The following ASH1L variants were observed in gnomAD, a reference collection of about 807,000 sequenced individuals.
The protein encoded by ASH1L is histone-lysine N-methyltransferase ASH1L.
A neutral mutation model predicts 269.0 loss-of-function variants in ASH1L; 23 were observed. The observed-to-expected ratio is 0.09, with a 90% CI of 0.06 to 0.12. The LOEUF is 0.12. Among genes scored for constraint, ASH1L ranks in the 10% least tolerant of loss-of-function variants. ASH1L has a pLI of 1.00. For synonymous variants in ASH1L, 1,187 were observed against 1,253.5 expected (o/e 0.95, Z 1.12); for missense variants, 2,912 against 3,567.8 (o/e 0.82, Z 4.68).
chr1:155,421,810 A>ATT (rs1491465500), intron 5 of ASH1L, among the ~76,000 whole-genome samples: 1 of 152,156 alleles, frequency 6.6e-6, no homozygotes, highest in African/African-American at 2.4e-5. Flanking sequence ...ATAGATACAC[A>ATT]TATGACTAAT....
At chr1:155,542,506 G>A (rs930423182) in intron 1 of ASH1L, among the ~76,000 whole-genome samples, 13 of 151,540 alleles carry the variant, frequency 8.6e-5, no homozygotes, top group African/African-American at 2.2e-4. Flanking sequence ...CCCAGGTTGC[G>A]CCACTGCACT....
At chr1:155,349,707 G>GTCT in intron 17 of ASH1L, 111 bp from the exon 18 acceptor site, 1 of 421,364 alleles carries the variant, frequency 2.4e-6, no homozygotes, top group Admixed American at 3.9e-5. Flanking sequence ...AAAAATCCAA[G>GTCT]TCTTTTTTTT....
rs908820138 is a variant in ASH1L, at chr1:155,338,104, T to G, written c.8788A>C (p.Ile2930Leu). Reference protein sequence around the residue: ...NQILLNLLEKIPGKNAIDVTY... With the variant: ...NQILLNLLEKLPGKNAIDVTY... ...TTCTTCTTACCATTTTTTCCAGGGA[T>G]TTTTTCAAGGAGATTGAGCAAGATC... Residue 2930 changes from isoleucine (I) to leucine (L), a missense_variant, in exon 27 of 28, where the codon ATC (isoleucine) becomes CTC (leucine). Transcript: ENST00000392403. 1 of 1,612,332 alleles carries G rather than the reference T, an allele frequency of 6.2e-7. No homozygotes were observed. Among genetic ancestry groups the G allele is most frequent in the East Asian group, 2.2e-5 (1 of 44,868 alleles).
rs949245188 is a variant in ASH1L, at chr1:155,509,366, TAAAC to T, written c.420+11730_420+11733del. On this transcript the variant is annotated intron_variant, in intron 2 of 27. Coordinates refer to ENST00000392403, the MANE Select transcript of ASH1L (RefSeq NM_018489.3). Reference sequence around the variant, plus strand: ...AAGACAAGACTCAGACTCTTAAAAATAAACAAACAAAAAATGTAAATAAACAGAA... The same window carrying T: ...AAGACAAGACTCAGACTCTTAAAAATAAACAAAAAATGTAAATAAACAGAA... Among the ~76,000 whole-genome samples the T allele has an allele frequency of 2.8e-3, 420 of 151,952 alleles. 1 individual carries two copies. Among genetic ancestry groups the T allele is most frequent in the African/African-American group, 9.8e-3 (406 of 41,440 alleles).
chr1:155,450,171 G>T (rs534365648), intron 4 of ASH1L, among the ~76,000 whole-genome samples: 56 of 152,202 alleles, frequency 3.7e-4, no homozygotes, highest in Middle Eastern at 3.4e-3. Flanking sequence ...GTATGTGTTT[G>T]TATGTATGTG....
At chr1:155,557,475 T>G (rs1671680247) in intron 1 of ASH1L, among the ~76,000 whole-genome samples, 1 of 151,636 alleles carries the variant, frequency 6.6e-6, no homozygotes, top group South Asian at 2.1e-4. Context: ...AGAGACAGGG[T>G]TTCACCATGT....
At position 155,560,788 on chromosome 1, in the gene ASH1L, A is replaced by T. The variant is rs518612; in HGVS notation, c.-100+1365T>A. On this transcript the variant is annotated intron_variant, in intron 1 of 27. Coordinates refer to ENST00000392403, the MANE Select transcript of ASH1L (RefSeq NM_018489.3). Reference sequence around the variant, plus strand: ...GCTGTGAAAGCCTTCTCTCCCTCACACATACAACCTCAAGTGTCAGAAATG... The same window carrying T: ...GCTGTGAAAGCCTTCTCTCCCTCACTCATACAACCTCAAGTGTCAGAAATG... Among the ~76,000 whole-genome samples, 1,496 of 152,288 alleles carry T rather than the reference A, an allele frequency of 9.8e-3. 21 individuals carry two copies. The highest frequency in any genetic ancestry group is 0.034 in the African/African-American group (1,415 of 41,544).
At chr1:155,346,533 C>A in intron 20 of ASH1L, 64 bp from the exon 21 acceptor site, 1 of 1,426,154 alleles carries the variant, frequency 7.0e-7, no homozygotes, top group South Asian at 1.2e-5. Context: ...GTCCTGGGAG[C>A]CCAGAATAAA....
chr1:155,358,971 T>A (rs940374225), intron 13 of ASH1L, among the ~76,000 whole-genome samples: 4 of 151,750 alleles, frequency 2.6e-5, no homozygotes, highest in Admixed American at 6.6e-5. Flanking sequence ...TAAAAAAAAA[T>A]TAGCGACGCA....
At chr1:155,508,135 T>TG (rs1667932286) in intron 2 of ASH1L, among the ~76,000 whole-genome samples, 1 of 152,170 alleles carries the variant, frequency 6.6e-6, no homozygotes, top group Non-Finnish European at 1.5e-5. Context: ...TACTGTGTGA[T>TG]AAATACAAGT....
At chr1:155,472,893 C>G (rs918074104) in intron 3 of ASH1L, among the ~76,000 whole-genome samples, 6 of 152,186 alleles carry the variant, frequency 3.9e-5, no homozygotes, top group African/African-American at 1.4e-4. Context: ...ACTTTAAATA[C>G]TGCAGTTCCT....
intron 5 of ASH1L, among the ~76,000 whole-genome samples, chr1:155,429,019 T>C (rs1051739600): frequency 6.6e-6 from 1 of 152,138 alleles, no homozygotes; most frequent in African/African-American, 2.4e-5. Context: ...TATATATATA[T>C]ACAATGCTTT....
At chr1:155,542,841 A>G (rs1670528300) in intron 1 of ASH1L, among the ~76,000 whole-genome samples, 1 of 151,248 alleles carries the variant, frequency 6.6e-6, no homozygotes, top group Non-Finnish European at 1.5e-5. Context: ...CACCATGCCC[A>G]GCTAATTTTT....
chr1:155,459,755 G>A lies in ASH1L; in HGVS notation c.5086+42C>T, dbSNP rs1290037955. On this transcript the variant is annotated intron_variant, in intron 4 of 27. Coordinates refer to ENST00000392403, the MANE Select transcript of ASH1L (RefSeq NM_018489.3). ...AACTCCTTATTCACAAATAACAAAT[G>A]GGAAACTATCTTGAAAATCTGGTAA... is the stretch of plus-strand genomic sequence containing the variant. 2.0e-6 allele frequency: 3 copies of A among 1,477,252 alleles called. No homozygotes were observed. In the Admixed American group the frequency reaches 5.2e-5, roughly 26 times the overall value. 91.5% of individuals were successfully genotyped at this position (1,477,252 alleles called of 1,614,324 possible).
At chr1:155,422,058 C>T (rs759138488) in intron 5 of ASH1L, among the ~76,000 whole-genome samples, 1 of 152,100 alleles carries the variant, frequency 6.6e-6, no homozygotes. Context: ...TTCTACTTTC[C>T]GCCTGTATGA....
rs1224349092 is a variant in ASH1L at position 155,384,661 on chromosome 1, T to C, written c.6104-4545A>G. On this transcript the variant is annotated intron_variant, in intron 7 of 27. Transcript: ENST00000392403. ...CAAGCAATCAGCCTCCCAAGGTATT[T>C]GGTATTACAGGAGCAACCTATCTCG... 2.6e-5 allele frequency among the ~76,000 whole-genome samples: 4 copies of C among 152,190 alleles called. No homozygotes were observed. The East Asian group carries it at 7.7e-4, about 29-fold the overall frequency.
At chr1:155,506,410 C>T (rs1667817638) in intron 2 of ASH1L, among the ~76,000 whole-genome samples, 1 of 152,154 alleles carries the variant, frequency 6.6e-6, no homozygotes, top group African/African-American at 2.4e-5. Context: ...TAAGAAACAA[C>T]ATTAGGCTGG....
rs565073247 is a variant in ASH1L, at chr1:155,365,884, T to A, written c.6686+4620A>T. Among the ~76,000 whole-genome samples, 6 of 152,306 alleles carry A rather than the reference T, an allele frequency of 3.9e-5. No individual in the cohort carries two copies. The South Asian group carries it at 1.2e-3, about 32-fold the overall frequency. On this transcript the variant is annotated intron_variant, in intron 12 of 27. Transcript: ENST00000392403. The stretch of plus-strand genomic sequence containing the variant: ...TACAAGAGACCCTAATAGGCAGGAA[T>A]ATCATCACCGCTATTCAACCTGAAG...
chr1:155,460,135 A>C (rs1252084161), intron 3 of ASH1L, among the ~76,000 whole-genome samples: 1 of 152,194 alleles, frequency 6.6e-6, no homozygotes, highest in Non-Finnish European at 1.5e-5. Context: ...TTACCAGAGG[A>C]AAAACTAATT....
Sources: gnomAD v4.1 joint callset for allele counts (sites outside exome capture counted in the v4.1 genomes callset) on GRCh38, gnomAD v4.1.1 for gene constraint, MANE v1.5 for transcripts, NCBI Gene and HGNC (gene_info 2026-07-23, HGNC 2026-07-21) for gene names.